The following DLGAP1 variants were observed in gnomAD, a reference collection of about 807,000 sequenced individuals.
DLGAP1 encodes the protein disks large-associated protein 1.
Under a neutral mutation model 90.8 loss-of-function variants are expected in DLGAP1, and 11 were observed. That is an observed-to-expected ratio of 0.12 (90% CI 0.08 to 0.20). DLGAP1 has a LOEUF of 0.20. DLGAP1 is among the 10% of genes least tolerant of loss of function. DLGAP1 has a pLI of 1.00. For synonymous variants in DLGAP1, 558 were observed against 540.7 expected (o/e 1.03, Z -0.44); for missense variants, 1,050 against 1,333.8 (o/e 0.79, Z 3.31).
intron 1 of DLGAP1, among the ~76,000 whole-genome samples, chr18:4,274,820 C>A (rs1219994625): frequency 1.3e-5 from 2 of 152,114 alleles, no homozygotes; most frequent in Admixed American, 6.5e-5. Flanking sequence ...ATTTAAATAA[C>A]TGCATAAGTA....
intron 4 of DLGAP1, among the ~76,000 whole-genome samples, chr18:3,826,354 G>A (rs905897345): frequency 2.6e-5 from 4 of 152,180 alleles, no homozygotes; most frequent in African/African-American, 9.6e-5. Flanking sequence ...GTTAGGCAAT[G>A]ATACGTACTA....
At chr18:3,718,967 T>C in intron 7 of DLGAP1, among the ~76,000 whole-genome samples, 1 of 149,848 alleles carries the variant, frequency 6.7e-6, no homozygotes, top group African/African-American at 2.4e-5. Flanking sequence ...TGAAAATTTC[T>C]CAAATTTGGC....
At chr18:3,652,269 A>T (rs970996457) in intron 7 of DLGAP1, among the ~76,000 whole-genome samples, 4 of 152,138 alleles carry the variant, frequency 2.6e-5, no homozygotes, top group African/African-American at 9.7e-5. Flanking sequence ...AATACATTAA[A>T]TCCCTTTGGG....
At chr18:4,296,631 A>T (rs991966032) in intron 1 of DLGAP1, among the ~76,000 whole-genome samples, 5 of 152,222 alleles carry the variant, frequency 3.3e-5, no homozygotes, top group Non-Finnish European at 7.3e-5. Flanking sequence ...TGTCTTGATT[A>T]ATAGCTCTGT....
At chr18:4,350,580 G>A (rs574715176) in intron 1 of DLGAP1, among the ~76,000 whole-genome samples, 28 of 152,134 alleles carry the variant, frequency 1.8e-4, no homozygotes, top group East Asian at 9.7e-4. Flanking sequence ...TGACTCTTCC[G>A]TTCACCAATA....
chr18:4,301,542 G>A (rs557655833), intron 1 of DLGAP1, among the ~76,000 whole-genome samples: 2 of 152,138 alleles, frequency 1.3e-5, no homozygotes, highest in African/African-American at 2.4e-5. Flanking sequence ...TCCATTCATC[G>A]GTTGGTGGAC....
At chr18:4,434,114 G>A (rs1292594940) in intron 1 of DLGAP1, among the ~76,000 whole-genome samples, 2 of 151,804 alleles carry the variant, frequency 1.3e-5, no homozygotes, top group Non-Finnish European at 2.9e-5. Context: ...TCTCCAACCT[G>A]TTTTCTATTT....
At chr18:4,386,996 CCTTT>C (rs1164960222) in intron 1 of DLGAP1, among the ~76,000 whole-genome samples, 1 of 152,094 alleles carries the variant, frequency 6.6e-6, no homozygotes, top group Non-Finnish European at 1.5e-5. Context: ...GAGTAAACTA[CCTTT>C]CTAAGTCACT....
chr18:3,669,576 C>A (rs1435745041), intron 7 of DLGAP1, among the ~76,000 whole-genome samples: 1 of 152,228 alleles, frequency 6.6e-6, no homozygotes, highest in Non-Finnish European at 1.5e-5. Context: ...GACTCCCGCA[C>A]ATGGATCGAT....
intron 1 of DLGAP1, among the ~76,000 whole-genome samples, chr18:4,351,731 T>G (rs1271382045): frequency 3.3e-5 from 5 of 152,212 alleles, no homozygotes; most frequent in Non-Finnish European, 5.9e-5. Context: ...TAGCTTAGAT[T>G]TGTTGTACAA....
intron 9 of DLGAP1, among the ~76,000 whole-genome samples, chr18:3,543,887 G>A (rs1568165343): frequency 6.6e-6 from 1 of 152,042 alleles, no homozygotes; most frequent in Non-Finnish European, 1.5e-5. Flanking sequence ...ACTGCACAGA[G>A]TGAAGGTCTG....
At chr18:3,722,818 C>A (rs979243735) in intron 7 of DLGAP1, among the ~76,000 whole-genome samples, 1 of 152,092 alleles carries the variant, frequency 6.6e-6, no homozygotes, top group African/African-American at 2.4e-5. Context: ...TAAGAATTCT[C>A]CAAAAATGGT....
In DLGAP1 at chr18:4,082,510, C is replaced by CAAAAAAAAAAAAAAAAAAAAA. The variant is rs59735494; in HGVS notation, c.-159+68649_-159+68669dup. Among the ~76,000 whole-genome samples, 163 of 52,084 alleles carry CAAAAAAAAAAAAAAAAAAAAA rather than the reference C, an allele frequency of 3.1e-3. 2 individuals are homozygous for CAAAAAAAAAAAAAAAAAAAAA. Among genetic ancestry groups the CAAAAAAAAAAAAAAAAAAAAA allele is most frequent in the African/African-American group, 6.2e-3 (69 of 11,156 alleles). 34.2% of individuals were successfully genotyped at this position (52,084 alleles called of 152,430 possible). A position where few individuals can be genotyped will look rare whatever the true frequency, so the allele number is the denominator to read the frequency against. On this transcript the variant is annotated intron_variant, in intron 2 of 12. Coordinates refer to ENST00000315677, the MANE Select transcript of DLGAP1 (RefSeq NM_004746.4). Reference sequence around the variant, plus strand: ...TGGGTGACAGAGTGAGACTTTGTCTCAAAAAAAAAAAAAAAAAAAAAAAAG... The same window carrying CAAAAAAAAAAAAAAAAAAAAA: ...TGGGTGACAGAGTGAGACTTTGTCTCAAAAAAAAAAAAAAAAAAAAAAAAAAAAAAAAAAAAAAAAAAAAAG...
intron 1 of DLGAP1, among the ~76,000 whole-genome samples, chr18:4,324,292 T>C (rs2080765440): frequency 6.6e-6 from 1 of 150,472 alleles, no homozygotes; most frequent in African/African-American, 2.4e-5. Context: ...CTTGGACACA[T>C]ACAATCTCGT....
chr18:3,892,150 CACACACACA>C (rs2071485371), intron 3 of DLGAP1: 1 of 145,010 alleles, frequency 6.9e-6, no homozygotes, highest in African/African-American at 2.7e-5. Flanking sequence ...CACACACACA[CACACACACA>C]CACACACAGT....
At chr18:3,661,070 T>A (rs1425333331) in intron 7 of DLGAP1, among the ~76,000 whole-genome samples, 4 of 152,206 alleles carry the variant, frequency 2.6e-5, no homozygotes, top group Non-Finnish European at 4.4e-5. Flanking sequence ...CTTATTTTAT[T>A]CATTTATTTT....
chr18:3,511,447 T>C (rs563566850), intron 10 of DLGAP1, among the ~76,000 whole-genome samples: 2 of 151,230 alleles, frequency 1.3e-5, no homozygotes, highest in South Asian at 4.2e-4. Flanking sequence ...AAGTAAAAAG[T>C]GGAAATAAAA....
At chr18:4,043,122 A>G (rs1252580194) in intron 2 of DLGAP1, among the ~76,000 whole-genome samples, 1 of 152,206 alleles carries the variant, frequency 6.6e-6, no homozygotes, top group Non-Finnish European at 1.5e-5. Flanking sequence ...AGACCTTCTC[A>G]TATGATTTTC....
intron 5 of DLGAP1, among the ~76,000 whole-genome samples, chr18:3,780,923 C>T (rs985216196): frequency 1.3e-5 from 2 of 152,162 alleles, no homozygotes; most frequent in Non-Finnish European, 1.5e-5. Context: ...GATCCTCTCA[C>T]TTCAGTCTCC....
Sources: gnomAD v4.1 joint callset for allele counts (sites outside exome capture counted in the v4.1 genomes callset) on GRCh38, gnomAD v4.1.1 for gene constraint, MANE v1.5 for transcripts, NCBI Gene and HGNC (gene_info 2026-07-23, HGNC 2026-07-21) for gene names.